The following DNAH10 variants were observed in gnomAD, a reference collection of about 807,000 sequenced individuals.
DNAH10 encodes dynein axonemal heavy chain 10.
Under a neutral mutation model 506.6 loss-of-function variants are expected in DNAH10, and 348 were observed. That is an observed-to-expected ratio of 0.69 (90% CI 0.63 to 0.75). The LOEUF is 0.75. Among genes scored for constraint, DNAH10 ranks in the 30% least tolerant of loss-of-function variants. The pLI, the probability that DNAH10 is intolerant of heterozygous loss-of-function variation, is 0.00. For missense variants in DNAH10, 5,179 were observed against 5,787.1 expected (o/e 0.89, Z 3.41); for synonymous variants, 2,059 against 2,198.6 (o/e 0.94, Z 1.78).
In DNAH10 at chr12:123,865,885, G is replaced by T. The variant is rs937614087; in HGVS notation, c.7045-66G>T. On this transcript the variant is annotated intron_variant, in intron 40 of 78. Coordinates refer to ENST00000673944, the MANE Select transcript of DNAH10 (RefSeq NM_001372106.1). ...TTGTAAAAACTTTCCATAAGAGAAG[G>T]TCCTTAAACATCTAGTTTATCTTGT... The T allele has an allele frequency of 1.2e-5, 17 of 1,451,188 alleles. No individual in the cohort carries two copies. In the Admixed American group the frequency reaches 2.8e-4, roughly 24 times the overall value. The allele number at this position is 1,451,188 out of a possible 1,614,324, so 89.9% of individuals were successfully genotyped here. A position where few individuals can be genotyped will look rare whatever the true frequency, so the allele number is the denominator to read the frequency against.
chr12:123,931,571 G>A, intron 74 of DNAH10, 65 bp from the exon 75 acceptor site: 1 of 1,604,156 alleles, frequency 6.2e-7, no homozygotes, highest in Non-Finnish European at 8.5e-7. Flanking sequence ...AGAACTGGAA[G>A]GCTCAGGAGG....
chr12:123,908,203 CCCTCCCTGTCT>C (rs1312743786), intron 57 of DNAH10: 1 of 340,240 alleles, frequency 2.9e-6, no homozygotes, highest in South Asian at 2.0e-5. Flanking sequence ...TCTCTCTGTC[CCCTCCCTGTCT>C]CCTCCCTGTC....
intron 25 of DNAH10, 110 bp downstream of exon 25, chr12:123,827,008 A>G (rs1484875645): frequency 1.0e-5 from 10 of 979,252 alleles, no homozygotes; most frequent in Non-Finnish European, 5.9e-6. Flanking sequence ...CACAATTTCA[A>G]CAATGCCGCA....
Position 123,828,163 on chromosome 12 carries a change from G to T in DNAH10, c.4391+1265G>T, listed in dbSNP as rs549515560. 2.7e-5 allele frequency among the ~76,000 whole-genome samples: 4 copies of T among 150,298 alleles called. No homozygotes were observed. The East Asian group carries it at 7.8e-4, about 29-fold the overall frequency. On this transcript the variant is annotated intron_variant, in intron 25 of 78. Transcript: ENST00000673944. ...AAGAGAAAACCAAAAGCTCTTGCCA[G>T]AAATAGAAAGTAATTATTAAAAAAA...
intron 26 of DNAH10, among the ~76,000 whole-genome samples, chr12:123,831,312 A>G (rs1372885625): frequency 6.6e-6 from 1 of 151,234 alleles, no homozygotes; most frequent in Non-Finnish European, 1.5e-5. Context: ...ACATACACCC[A>G]TGCATTTGTA....
intron 26 of DNAH10, 36 bp from the exon 27 acceptor site, chr12:123,833,078 G>A (rs765731495): frequency 6.2e-5 from 95 of 1,525,928 alleles, no homozygotes; most frequent in Non-Finnish European, 7.7e-5. Context: ...CTTTCAGTTC[G>A]TGTGCCTGAA....
In DNAH10 at chr12:123,903,106, GAGATT is replaced by G; in HGVS notation, c.9811_9815del (p.Ile3271ValfsTer4). 1 of 1,609,028 alleles carries G rather than the reference GAGATT, an allele frequency of 6.2e-7. No homozygotes were observed. The highest frequency in any genetic ancestry group is 1.3e-5 in the African/African-American group (1 of 74,946). ...GAAGCTGGACAAGTCGGACGTGACT[GAGATT>G]AGGTAATGCACCTGAGCCACCATTC... On this transcript the variant is annotated frameshift_variant and splice_region_variant, in exon 57 of 79. Coordinates refer to ENST00000673944, the MANE Select transcript of DNAH10 (RefSeq NM_001372106.1). LOFTEE classifies it high-confidence loss of function. The surrounding 1 kb of genome is among the most constrained non-coding windows in gnomAD (Gnocchi z 4.6).
chr12:123,767,037 C>G (rs1387169293), intron 1 of DNAH10, among the ~76,000 whole-genome samples: 3 of 151,702 alleles, frequency 2.0e-5, no homozygotes, highest in African/African-American at 4.8e-5. Context: ...TCCCAAGTAG[C>G]TGGGATTACA....
chr12:123,906,264 CAG>C (rs1180402227), intron 57 of DNAH10, among the ~76,000 whole-genome samples: 1 of 149,894 alleles, frequency 6.7e-6, no homozygotes, highest in African/African-American at 2.5e-5. Flanking sequence ...TTTTTTGAGA[CAG>C]AGTCTCATTC....
At position 123,853,398 on chromosome 12, in the gene DNAH10, G is replaced by A. The variant is rs772412527; in HGVS notation, c.6438+46G>A. ...CATTCTCTGGTTTCAGCTGCTTCAG[G>A]CATTTACTACGTGCCATTGGGGAGG... is the stretch of plus-strand genomic sequence containing the variant. On this transcript the variant is annotated intron_variant, in intron 36 of 78. Coordinates refer to ENST00000673944, the MANE Select transcript of DNAH10 (RefSeq NM_001372106.1). The surrounding 1 kb of genome is among the most constrained non-coding windows in gnomAD (Gnocchi z 4.7). 3 of 1,585,828 alleles carry A rather than the reference G, an allele frequency of 1.9e-6. No individual in the cohort carries two copies. In the East Asian group the frequency reaches 6.8e-5, roughly 36 times the overall value.
intron 44 of DNAH10, among the ~76,000 whole-genome samples, chr12:123,870,931 T>C (rs1952006521): frequency 6.6e-6 from 1 of 152,196 alleles, no homozygotes; most frequent in South Asian, 2.1e-4. Context: ...CTCTGGCTGT[T>C]CAGATAAAAT....
In DNAH10 at chr12:123,846,937, C is replaced by T. The variant is rs1452402112; in HGVS notation, c.5814+783C>T. Among the ~76,000 whole-genome samples the T allele has an allele frequency of 6.6e-6, 1 of 152,140 alleles. No homozygotes were observed. The highest frequency in any genetic ancestry group is 2.4e-5 in the African/African-American group (1 of 41,426). ...GGGAATGAGTGAGAACAGGAAGCCC[C>T]TGCTGCCTCCTGTGCTGTGAGTGAT... On this transcript the variant is annotated intron_variant, in intron 32 of 78. Coordinates refer to ENST00000673944, the MANE Select transcript of DNAH10 (RefSeq NM_001372106.1). This position sits in a 1 kb window ranked among gnomAD's most constrained non-coding sequence, Gnocchi z 4.5.
Position 123,919,086 on chromosome 12 carries a change from T to G in DNAH10, c.11506+137T>G. The G allele has an allele frequency of 8.3e-7, 1 of 1,198,988 alleles. No homozygotes were observed. Among genetic ancestry groups the G allele is most frequent in the Non-Finnish European group, 1.1e-6 (1 of 891,110 alleles). The allele number at this position is 1,198,988 out of a possible 1,614,324, so 74.3% of individuals were successfully genotyped here. ...TTTTCTTTCTTTCTTTCTTTTTCTT[T>G]TTTTTTTGAGATAGGGTCTTGCTCC... On this transcript the variant is annotated intron_variant, in intron 65 of 78. Coordinates refer to ENST00000673944, the MANE Select transcript of DNAH10 (RefSeq NM_001372106.1). The surrounding 1 kb of genome is among the most constrained non-coding windows in gnomAD (Gnocchi z 4.9).
At chr12:123,821,095 C>T (rs953130245) in intron 24 of DNAH10, among the ~76,000 whole-genome samples, 1 of 152,050 alleles carries the variant, frequency 6.6e-6, no homozygotes, top group Non-Finnish European at 1.5e-5. Context: ...ACTAAAAATC[C>T]AAAAGTCAGC....
chr12:123,914,297 C>A (rs776225402), intron 60 of DNAH10, 32 bp from the exon 61 acceptor site: 2 of 1,516,800 alleles, frequency 1.3e-6, no homozygotes, highest in South Asian at 2.3e-5. Flanking sequence ...AGAAGGTAAA[C>A]TCACGGCAGC....
intron 29 of DNAH10, among the ~76,000 whole-genome samples, chr12:123,839,503 T>C (rs1950690092): frequency 6.6e-6 from 1 of 152,168 alleles, no homozygotes; most frequent in Non-Finnish European, 1.5e-5. Context: ...GAACAGTGCC[T>C]ACCTTTCAAT....
chr12:123,790,374 A>G (rs1396256320), intron 11 of DNAH10, among the ~76,000 whole-genome samples: 2 of 152,332 alleles, frequency 1.3e-5, no homozygotes, highest in East Asian at 3.9e-4. Context: ...TAGCATTTCT[A>G]CAAAGTTTTG....
chr12:123,767,466 C>A (rs567202078), intron 1 of DNAH10, 140 bp from the exon 2 acceptor site: 5 of 739,274 alleles, frequency 6.8e-6, no homozygotes, highest in East Asian at 3.1e-5. Flanking sequence ...GTAAGGAATA[C>A]TGCTGTACCA....
chr12:123,848,957 C>T (rs941437848), intron 34 of DNAH10, 75 bp downstream of exon 34: 71 of 1,553,678 alleles, frequency 4.6e-5, no homozygotes, highest in Admixed American at 1.1e-4. Flanking sequence ...TCCTCTGTAG[C>T]GTCAGTTTCT....
Sources: allele counts gnomAD v4.1 joint callset (sites outside exome capture counted in the v4.1 genomes callset), GRCh38; gene constraint gnomAD v4.1.1; non-coding constraint Gnocchi (gnomAD v3.1); transcripts MANE v1.5; gene names NCBI Gene and HGNC (gene_info 2026-07-23, HGNC 2026-07-21).